Variants in C1QTNF3 observed in about 807,000 individuals in gnomAD.
The protein encoded by C1QTNF3 is complement C1q tumor necrosis factor-related protein 3.
C1QTNF3 carries 26 observed loss-of-function variants against 32.6 expected under a neutral mutation model. The observed-to-expected ratio is 0.80, with a 90% CI of 0.58 to 1.11. The LOEUF (loss-of-function observed/expected upper bound fraction) is 1.11. Ranked by LOEUF, C1QTNF3 falls within the 50% of genes least tolerant of loss-of-function variation. The pLI, the probability that C1QTNF3 is intolerant of heterozygous loss-of-function variation, is 0.00. For missense variants in C1QTNF3, 362 were observed against 398.2 expected (o/e 0.91, Z 0.77); for synonymous variants, 155 against 146.0 (o/e 1.06, Z -0.44).
chr5:34,136,457 C>T, the C1QTNF3 span, among the ~76,000 whole-genome samples: 1 of 152,248 alleles, frequency 6.6e-6, no homozygotes, highest in African/African-American at 2.4e-5. Flanking sequence ...GAGATACCAT[C>T]TCACGCCAGT....
chr5:34,146,298 G>A, the C1QTNF3 span, among the ~76,000 whole-genome samples: 21 of 152,146 alleles, frequency 1.4e-4, no homozygotes, highest in Admixed American at 6.5e-4. Context: ...TTAAAGATTC[G>A]GCACTATTCC....
chr5:34,223,481 C>T, the C1QTNF3 span, among the ~76,000 whole-genome samples: 3 of 150,044 alleles, frequency 2.0e-5, no homozygotes, highest in Admixed American at 6.7e-5. Context: ...AATAAACATA[C>T]GTGTGCATGT....
the C1QTNF3 span, among the ~76,000 whole-genome samples, chr5:34,093,576 T>C: frequency 1.6e-5 from 2 of 122,144 alleles, no homozygotes; most frequent in East Asian, 2.1e-4. Flanking sequence ...ATAGGGGCGG[T>C]TCCTGGTGAA....
At chr5:34,167,817 CTTTAGTTTTCT>C in the C1QTNF3 span, 2 of 151,954 alleles carry the variant, frequency 1.3e-5, no homozygotes, top group Admixed American at 6.6e-5. Flanking sequence ...TGTTGTTTTC[CTTTAGTTTTCT>C]TTTAAAAATG....
chr5:34,174,434 A>G, the C1QTNF3 span, among the ~76,000 whole-genome samples: 3 of 152,156 alleles, frequency 2.0e-5, no homozygotes, highest in Middle Eastern at 3.2e-3. Flanking sequence ...GAAACCATTC[A>G]TCCTAGGTGC....
the C1QTNF3 span, among the ~76,000 whole-genome samples, chr5:34,123,155 A>G: frequency 6.6e-6 from 1 of 152,228 alleles, no homozygotes; most frequent in African/African-American, 2.4e-5. Flanking sequence ...GGCCCACCTC[A>G]GAGAACTGCC....
the C1QTNF3 span, among the ~76,000 whole-genome samples, chr5:34,222,320 TA>T: frequency 6.6e-6 from 1 of 152,016 alleles, no homozygotes; most frequent in Non-Finnish European, 1.5e-5. Flanking sequence ...GGCACAATTG[TA>T]AATGGTTGTA....
the C1QTNF3 span, among the ~76,000 whole-genome samples, chr5:34,131,620 C>T: frequency 6.6e-6 from 1 of 151,980 alleles, no homozygotes; most frequent in East Asian, 1.9e-4. Context: ...ATACTAGAGA[C>T]AGGGAAGGGT....
At chr5:34,071,349 G>A in the C1QTNF3 span, among the ~76,000 whole-genome samples, 3 of 151,760 alleles carry the variant, frequency 2.0e-5, no homozygotes, top group Admixed American at 6.6e-5. Flanking sequence ...TTATGTATAC[G>A]TATATACTAG....
At chr5:34,027,969 T>C (rs1274254189) in intron 4 of C1QTNF3, among the ~76,000 whole-genome samples, 3 of 152,106 alleles carry the variant, frequency 2.0e-5, no homozygotes, top group Non-Finnish European at 2.9e-5. Context: ...TTCATTTGCA[T>C]AAACAAGCTC....
At chr5:34,114,724 C>T in the C1QTNF3 span, among the ~76,000 whole-genome samples, 13 of 152,216 alleles carry the variant, frequency 8.5e-5, no homozygotes, top group Admixed American at 5.9e-4. Flanking sequence ...CTTGACTAAA[C>T]AAATTCTATA....
At chr5:34,206,952 G>A in the C1QTNF3 span, among the ~76,000 whole-genome samples, 3 of 152,188 alleles carry the variant, frequency 2.0e-5, no homozygotes, top group South Asian at 2.1e-4. Flanking sequence ...CTGACAGGGT[G>A]AGCCCCCAAA....
At chr5:34,082,477 A>G in the C1QTNF3 span, among the ~76,000 whole-genome samples, 1 of 151,710 alleles carries the variant, frequency 6.6e-6, no homozygotes, top group African/African-American at 2.4e-5. Flanking sequence ...CTGTGCTTTC[A>G]ATGAGTCTTG....
chr5:34,065,450 C>G, the C1QTNF3 span, among the ~76,000 whole-genome samples: 1 of 152,234 alleles, frequency 6.6e-6, no homozygotes, highest in Non-Finnish European at 1.5e-5. Context: ...CAGATGTCCT[C>G]AGGTCAAGAG....
chr5:34,171,593 T>C, the C1QTNF3 span, among the ~76,000 whole-genome samples: 1 of 152,262 alleles, frequency 6.6e-6, no homozygotes, highest in Middle Eastern at 3.4e-3. Context: ...AAGGAGACAG[T>C]CATTTAGGAA....
chr5:34,056,509 GAGAGAGAGAGAGAGAGAGAA>G, the C1QTNF3 span, among the ~76,000 whole-genome samples: 1 of 140,848 alleles, frequency 7.1e-6, no homozygotes, highest in African/African-American at 2.7e-5. Flanking sequence ...GAGAGAGAGA[GAGAGAGAGAGAGAGAGAGAA>G]AGAGATAGGG....
chr5:34,123,623 T>A, the C1QTNF3 span, among the ~76,000 whole-genome samples: 1 of 26,010 alleles, frequency 3.8e-5, no homozygotes, highest in Non-Finnish European at 1.1e-4. Flanking sequence ...ACAGATATGC[T>A]TTTTTTTTTT....
chr5:34,022,144 G>T (rs557762860), intron 5 of C1QTNF3, among the ~76,000 whole-genome samples: 20 of 152,196 alleles, frequency 1.3e-4, no homozygotes, highest in Non-Finnish European at 1.6e-4. Context: ...ACATGTAACT[G>T]ACTTCACTTA....
At chr5:34,169,282 T>C in the C1QTNF3 span, 1 of 152,238 alleles carries the variant, frequency 6.6e-6, no homozygotes, top group African/African-American at 2.4e-5. Context: ...AAATTCAGCA[T>C]TTTATAGGTT....
Sources: gnomAD v4.1 joint callset for allele counts (sites outside exome capture counted in the v4.1 genomes callset) on GRCh38, gnomAD v4.1.1 for gene constraint, MANE v1.5 for transcripts, NCBI Gene and HGNC (gene_info 2026-07-23, HGNC 2026-07-21) for gene names.